Variants in BMP7 observed in about 807,000 individuals in gnomAD.
The protein encoded by BMP7 is osteogenic protein 1.
BMP7 carries 12 observed loss-of-function variants against 41.2 expected under a neutral mutation model. That is an observed-to-expected ratio of 0.29 (90% CI 0.19 to 0.47). The LOEUF (loss-of-function observed/expected upper bound fraction) is 0.47, where lower values mean the gene tolerates loss of function less well. BMP7 is among the 20% of genes least tolerant of loss of function. The pLI is 0.99. For synonymous variants in BMP7, 248 were observed against 250.0 expected (o/e 0.99, Z 0.07); for missense variants, 467 against 606.0 (o/e 0.77, Z 2.41).
At chr20:57,256,506 G>A (rs980369166) in intron 1 of BMP7, among the ~76,000 whole-genome samples, 6 of 152,172 alleles carry the variant, frequency 3.9e-5, no homozygotes, top group Non-Finnish European at 8.8e-5. Context: ...GGCTCACTTT[G>A]GCCCATGAAA....
intron 2 of BMP7, among the ~76,000 whole-genome samples, chr20:57,218,019 A>T (rs1261890171): frequency 6.6e-6 from 1 of 152,228 alleles, no homozygotes; most frequent in African/African-American, 2.4e-5. Context: ...ATCAACACAG[A>T]TATCAACAGA....
chr20:57,248,608 T>C (rs2066099221), intron 1 of BMP7, among the ~76,000 whole-genome samples: 1 of 152,012 alleles, frequency 6.6e-6, no homozygotes, highest in Non-Finnish European at 1.5e-5. Context: ...AATTTGAGGA[T>C]GGTGGTAGGG....
chr20:57,209,304 G>A (rs1218388106), intron 2 of BMP7, among the ~76,000 whole-genome samples: 1 of 133,654 alleles, frequency 7.5e-6, no homozygotes, highest in Non-Finnish European at 1.6e-5. Flanking sequence ...AATTAACCAG[G>A]CGTGGTGGTA....
At chr20:57,249,770 C>T (rs1015365360) in intron 1 of BMP7, among the ~76,000 whole-genome samples, 2 of 152,174 alleles carry the variant, frequency 1.3e-5, no homozygotes, top group Non-Finnish European at 1.5e-5. Flanking sequence ...GTCATGTTCA[C>T]GGATGAGCCT....
chr20:57,176,749 TTC>T (rs199687839), intron 4 of BMP7, among the ~76,000 whole-genome samples: 23 of 28,112 alleles, frequency 8.2e-4, no homozygotes, highest in Non-Finnish European at 1.3e-3. Flanking sequence ...ACATTCTCCA[TTC>T]ACACACACAC....
intron 2 of BMP7, among the ~76,000 whole-genome samples, 171 bp from the exon 3 acceptor site, chr20:57,202,794 C>T (rs974852042): frequency 7.9e-5 from 12 of 152,152 alleles, no homozygotes; most frequent in Non-Finnish European, 1.5e-4. Flanking sequence ...CCCTCAGTAG[C>T]TGTGGTGAGG....
intron 6 of BMP7, among the ~76,000 whole-genome samples, chr20:57,172,155 A>G (rs1190103178): frequency 2.0e-5 from 3 of 152,180 alleles, no homozygotes; most frequent in Non-Finnish European, 4.4e-5. Context: ...GTCCCCTGGC[A>G]GCCGGGGAGA....
intron 2 of BMP7, among the ~76,000 whole-genome samples, chr20:57,204,361 C>T (rs1263369731): frequency 1.3e-5 from 2 of 152,214 alleles, no homozygotes; most frequent in African/African-American, 4.8e-5. Flanking sequence ...TGCTAGATCA[C>T]CCTTCTGCTG....
chr20:57,265,663 G>GC (rs1472385331), intron 1 of BMP7, 42 bp downstream of exon 1: 1 of 1,567,816 alleles, frequency 6.4e-7, no homozygotes, highest in Admixed American at 1.9e-5. Context: ...GTCTCAAAGT[G>GC]CCCCCGAAAG....
intron 1 of BMP7, among the ~76,000 whole-genome samples, chr20:57,240,981 C>A (rs1336695373): frequency 6.6e-6 from 1 of 152,206 alleles, no homozygotes; most frequent in Non-Finnish European, 1.5e-5. Flanking sequence ...AGAAGCCCTC[C>A]CACTGGCCTG....
At chr20:57,186,441 G>A (rs987146951) in intron 3 of BMP7, among the ~76,000 whole-genome samples, 17 of 152,310 alleles carry the variant, frequency 1.1e-4, no homozygotes, top group African/African-American at 3.8e-4. Context: ...AAATATATAT[G>A]TAATACCATG....
At chr20:57,231,850 G>T (rs2066030564) in intron 1 of BMP7, among the ~76,000 whole-genome samples, 1 of 152,228 alleles carries the variant, frequency 6.6e-6, no homozygotes, top group African/African-American at 2.4e-5. Flanking sequence ...GCAGAGAAAG[G>T]GGCTGGGGAA....
chr20:57,262,887 T>A (rs1184895840), intron 1 of BMP7, among the ~76,000 whole-genome samples: 1 of 152,212 alleles, frequency 6.6e-6, no homozygotes, highest in Non-Finnish European at 1.5e-5. Flanking sequence ...ACTATAGCAG[T>A]ACTTTCTCAG....
chr20:57,172,846 T>C (rs1983841558), intron 6 of BMP7: 1 of 549,210 alleles, frequency 1.8e-6, no homozygotes, highest in African/African-American at 1.9e-5. Context: ...ATTTCTCATC[T>C]GTTTACCTGT....
At chr20:57,216,595 G>A (rs1985035904) in intron 2 of BMP7, among the ~76,000 whole-genome samples, 1 of 151,764 alleles carries the variant, frequency 6.6e-6, no homozygotes, top group African/African-American at 2.4e-5. Context: ...TGAGGGCGAG[G>A]GGCTGTCTCC....
In BMP7 at chr20:57,224,349, GAGCAGA is replaced by G. The variant is rs1255925344; in HGVS notation, c.611+3874_611+3879del. Among the ~76,000 whole-genome samples the G allele has an allele frequency of 1.3e-5, 2 of 152,214 alleles. No individual in the cohort carries two copies. Among genetic ancestry groups the G allele is most frequent in the African/African-American group, 4.8e-5 (2 of 41,472 alleles). On this transcript the variant is annotated intron_variant, in intron 2 of 6. Coordinates refer to ENST00000395863, the MANE Select transcript of BMP7 (RefSeq NM_001719.3). This position sits in a 1 kb window ranked among gnomAD's most constrained non-coding sequence, Gnocchi z 4.8. ...ACCTTGGTGGCGGCCGACTCCCTTG[GAGCAGA>G]TTCTGCTGCCCTGGCTGGCCTTGGC...
intron 1 of BMP7, among the ~76,000 whole-genome samples, chr20:57,252,969 C>T (rs955883738): frequency 6.6e-6 from 1 of 152,118 alleles, no homozygotes; most frequent in Non-Finnish European, 1.5e-5. Context: ...AGGACAGCTC[C>T]CAGCAGAGAA....
Position 57,266,159 on chromosome 20 carries a change from CG to C in BMP7, c.-38del, listed in dbSNP as rs931612527. 3.3e-5 allele frequency: 49 copies of C among 1,476,358 alleles called. No individual in the cohort carries two copies. Among genetic ancestry groups the C allele is most frequent in the Non-Finnish European group, 4.3e-5 (48 of 1,120,718 alleles). The allele number at this position is 1,476,358 out of a possible 1,614,324, so 91.5% of individuals were successfully genotyped here. ...TACGCGCTACCCGGGCTCCGGGCTC[CG>C]GGCCCGCACCGCCCCAGGTGGCAGA... On this transcript the variant is annotated 5_prime_UTR_variant, in exon 1 of 7. Transcript: ENST00000395863.
rs1020427777 is a variant in BMP7, at chr20:57,215,113, C to T, written c.612-12490G>A. ...ATGTCCCACTGGGCACCCACACTCC[C>T]AGGCCATGGGCACCCAGCTGCACAT... On this transcript the variant is annotated intron_variant, in intron 2 of 6. Coordinates refer to ENST00000395863, the MANE Select transcript of BMP7 (RefSeq NM_001719.3). This position sits in a 1 kb window ranked among gnomAD's most constrained non-coding sequence, Gnocchi z 4.2. Among the ~76,000 whole-genome samples the T allele has an allele frequency of 6.6e-6, 1 of 152,264 alleles. No homozygotes were observed. Among genetic ancestry groups the T allele is most frequent in the African/African-American group, 2.4e-5 (1 of 41,478 alleles).
Sources: allele counts gnomAD v4.1 joint callset (sites outside exome capture counted in the v4.1 genomes callset), GRCh38; gene constraint gnomAD v4.1.1; non-coding constraint Gnocchi (gnomAD v3.1); transcripts MANE v1.5; gene names NCBI Gene and HGNC (gene_info 2026-07-23, HGNC 2026-07-21).